SPOCK3: variants seen among roughly 807,000 people sequenced by gnomAD.
SPOCK3 encodes the protein SPARC (osteonectin), cwcv and kazal like domains proteoglycan 3.
SPOCK3 carries 30 observed loss-of-function variants against 56.6 expected under a neutral mutation model. The ratio of observed to expected loss-of-function variants is 0.53; its 90% CI spans 0.40 to 0.72. SPOCK3 has a LOEUF of 0.72. Ranked by LOEUF, SPOCK3 falls within the 30% of genes least tolerant of loss-of-function variation. SPOCK3 has a pLI of 0.00. For missense variants in SPOCK3, 527 were observed against 530.0 expected, an observed-to-expected ratio of 0.99 and a Z score of 0.06; for synonymous variants, 196 against 183.3, an observed-to-expected ratio of 1.07 and a Z score of -0.56.
chr4:167,225,899 G>A (rs1448202669), intron 2 of SPOCK3, among the ~76,000 whole-genome samples: 1 of 152,120 alleles, frequency 6.6e-6, no homozygotes, highest in Non-Finnish European at 1.5e-5. Flanking sequence ...TTGCTTTCAA[G>A]CCTAAGAGCT....
intron 2 of SPOCK3, among the ~76,000 whole-genome samples, chr4:167,168,200 G>C (rs1730171636): frequency 6.6e-6 from 1 of 152,102 alleles, no homozygotes; most frequent in Admixed American, 6.6e-5. Context: ...ACTTAATACA[G>C]TAAATTGGTA....
At chr4:166,742,229 TCTATCATCTATCTATCTATC>T (rs1734927091) in intron 8 of SPOCK3, among the ~76,000 whole-genome samples, 170 bp from the exon 9 acceptor site, 1 of 47,484 alleles carries the variant, frequency 2.1e-5, no homozygotes, top group African/African-American at 9.0e-5. Context: ...CATGTGTCTA[TCTATCATCTATCTATCTATC>T]TATCTATCTA....
intron 2 of SPOCK3, among the ~76,000 whole-genome samples, chr4:167,189,789 C>T (rs1732320540): frequency 1.4e-5 from 2 of 145,758 alleles, no homozygotes; most frequent in South Asian, 2.1e-4. Context: ...ATTTCTTCCA[C>T]CACCTAGTCT....
At chr4:167,172,753 T>G (rs1730621748) in intron 2 of SPOCK3, among the ~76,000 whole-genome samples, 1 of 151,970 alleles carries the variant, frequency 6.6e-6, no homozygotes, top group African/African-American at 2.4e-5. Flanking sequence ...TCTATATATG[T>G]GTGTGTGTGT....
At chr4:167,069,510 T>C (rs1190812390) in intron 2 of SPOCK3, among the ~76,000 whole-genome samples, 1 of 151,924 alleles carries the variant, frequency 6.6e-6, no homozygotes, top group African/African-American at 2.4e-5. Flanking sequence ...CCACTACATT[T>C]TGGGCTGGTT....
intron 4 of SPOCK3, among the ~76,000 whole-genome samples, chr4:166,959,273 TTA>T (rs1160221846): frequency 6.6e-6 from 1 of 152,054 alleles, no homozygotes; most frequent in African/African-American, 2.4e-5. Context: ...GAATTAGTGC[TTA>T]TGAGAAAAAT....
At chr4:167,213,072 G>A (rs942322175) in intron 2 of SPOCK3, among the ~76,000 whole-genome samples, 1 of 152,206 alleles carries the variant, frequency 6.6e-6, no homozygotes, top group African/African-American at 2.4e-5. Context: ...TTACAGAAAT[G>A]TTAATACTGC....
At chr4:166,896,863 T>G (rs1338221696) in intron 5 of SPOCK3, among the ~76,000 whole-genome samples, 1 of 152,166 alleles carries the variant, frequency 6.6e-6, no homozygotes, top group Admixed American at 6.6e-5. Flanking sequence ...CCCATGTTCT[T>G]AAATACAGGT....
chr4:166,791,676 G>A (rs1245197331), intron 7 of SPOCK3, among the ~76,000 whole-genome samples: 1 of 151,908 alleles, frequency 6.6e-6, no homozygotes, highest in African/African-American at 2.4e-5. Flanking sequence ...AATTGTAAGA[G>A]GTATATGGCT....
intron 6 of SPOCK3, among the ~76,000 whole-genome samples, chr4:166,856,544 G>C (rs567345151): frequency 6.1e-4 from 93 of 152,204 alleles, no homozygotes; most frequent in African/African-American, 2.1e-3. Context: ...GGGAGACCGA[G>C]GTGGGTGGAT....
intron 2 of SPOCK3, among the ~76,000 whole-genome samples, chr4:167,112,848 TAA>T (rs1554038270): frequency 1.9e-4 from 29 of 149,490 alleles, no homozygotes; most frequent in Non-Finnish European, 3.3e-4. Context: ...TGCTCTTTTT[TAA>T]AAAAAAAAAT....
chr4:166,993,589 G>A (rs948106736), intron 4 of SPOCK3, among the ~76,000 whole-genome samples: 3 of 151,842 alleles, frequency 2.0e-5, no homozygotes, highest in South Asian at 2.1e-4. Flanking sequence ...CCAAAATCAC[G>A]CCCTTCCTTT....
chr4:166,810,533 G>C (rs572776630), intron 6 of SPOCK3, among the ~76,000 whole-genome samples: 127 of 151,832 alleles, frequency 8.4e-4, no homozygotes, highest in Middle Eastern at 3.4e-3. Context: ...CATCATCAAT[G>C]GGTATTGAAA....
intron 6 of SPOCK3, among the ~76,000 whole-genome samples, chr4:166,819,498 CA>C (rs1744704044): frequency 6.6e-6 from 1 of 151,928 alleles, no homozygotes; most frequent in Non-Finnish European, 1.5e-5. Context: ...AACATACATA[CA>C]ATTAATAGAA....
chr4:167,009,050 CTT>C (rs1191275750), intron 3 of SPOCK3, among the ~76,000 whole-genome samples: 1 of 152,120 alleles, frequency 6.6e-6, no homozygotes, highest in Non-Finnish European at 1.5e-5. Flanking sequence ...TCTTCAATTA[CTT>C]TTTCTTTTGT....
At chr4:166,792,426 AG>A in intron 6 of SPOCK3, 137 bp from the exon 7 acceptor site, 1 of 780,094 alleles carries the variant, frequency 1.3e-6, no homozygotes, top group Non-Finnish European at 2.0e-6. Flanking sequence ...GCTTTTTCAA[AG>A]TTAAATATAT....
rs1028551004 is a variant in SPOCK3 at position 166,889,558 on chromosome 4, T to A, written c.475-314A>T. 2.6e-5 allele frequency among the ~76,000 whole-genome samples: 4 copies of A among 152,014 alleles called. 1 individual carries two copies. Among genetic ancestry groups the A allele is most frequent in the Non-Finnish European group, 4.4e-5 (3 of 67,956 alleles). Reference sequence around the variant, plus strand: ...ATGAGTAGAACATTTTAGAATCAAATGGAGAGACGCATGACATAGAGTTTG... The same window carrying A: ...ATGAGTAGAACATTTTAGAATCAAAAGGAGAGACGCATGACATAGAGTTTG... On this transcript the variant is annotated intron_variant, in intron 5 of 10. Coordinates refer to ENST00000357545, the MANE Select transcript of SPOCK3 (RefSeq NM_001040159.2).
intron 6 of SPOCK3, among the ~76,000 whole-genome samples, chr4:166,875,416 T>C (rs1732971910): frequency 6.6e-6 from 1 of 152,112 alleles, no homozygotes; most frequent in Non-Finnish European, 1.5e-5. Context: ...TATTGCTGTC[T>C]ACAATATTAG....
intron 3 of SPOCK3, among the ~76,000 whole-genome samples, chr4:167,017,754 G>T (rs1317875712): frequency 6.6e-6 from 1 of 152,070 alleles, no homozygotes; most frequent in Non-Finnish European, 1.5e-5. Flanking sequence ...GTATGCATGT[G>T]TGTGTTAGCT....
Sources: gnomAD v4.1 joint callset for allele counts (sites outside exome capture counted in the v4.1 genomes callset) on GRCh38, gnomAD v4.1.1 for gene constraint, MANE v1.5 for transcripts, NCBI Gene and HGNC (gene_info 2026-07-23, HGNC 2026-07-21) for gene names.